ZFAND3: variants seen among roughly 807,000 people sequenced by gnomAD.
ZFAND3 encodes the protein zinc finger AN1-type containing 3.
Under a neutral mutation model 29.6 loss-of-function variants are expected in ZFAND3, and 10 were observed. That is an observed-to-expected ratio of 0.34 (90% CI 0.21 to 0.57). The LOEUF (loss-of-function observed/expected upper bound fraction) is 0.57. Among genes scored for constraint, ZFAND3 ranks in the 20% least tolerant of loss-of-function variants. ZFAND3 has a pLI of 0.86. For synonymous variants in ZFAND3, 128 were observed against 112.6 expected (o/e 1.14, Z -0.87); for missense variants, 230 against 304.5 (o/e 0.76, Z 1.82).
At chr6:38,037,709 G>A (rs1215312265) in intron 2 of ZFAND3, among the ~76,000 whole-genome samples, 2 of 152,172 alleles carry the variant, frequency 1.3e-5, no homozygotes, top group Non-Finnish European at 2.9e-5. Context: ...CCTTGATTGG[G>A]CTGAAGACTT....
chr6:37,965,913 C>T (rs1430005300), intron 2 of ZFAND3, among the ~76,000 whole-genome samples: 1 of 152,124 alleles, frequency 6.6e-6, no homozygotes, highest in Non-Finnish European at 1.5e-5. Flanking sequence ...TAGGCATGTG[C>T]TACCATGCCT....
intron 1 of ZFAND3, among the ~76,000 whole-genome samples, chr6:37,841,467 G>GT (rs527458722): frequency 1.5e-3 from 230 of 152,120 alleles, no homozygotes; most frequent in African/African-American, 5.2e-3. Context: ...TTTAACATTT[G>GT]TTTTTAAGTT....
At chr6:37,977,869 T>TTCCTTCCTTCCTTCCTTCCTTCC (rs374121487) in intron 2 of ZFAND3, among the ~76,000 whole-genome samples, 1 of 94,718 alleles carries the variant, frequency 1.1e-5, no homozygotes, top group Non-Finnish European at 2.3e-5. Context: ...CCTTCCTTCC[T>TTCCTTCCTTCCTTCCTTCCTTCC]TTCCTTCTTC....
intron 1 of ZFAND3, among the ~76,000 whole-genome samples, chr6:37,860,481 A>T (rs1350140461): frequency 6.6e-6 from 1 of 152,136 alleles, no homozygotes; most frequent in African/African-American, 2.4e-5. Flanking sequence ...CAGAATCCTA[A>T]TTCAGACCTG....
intron 1 of ZFAND3, among the ~76,000 whole-genome samples, chr6:37,907,468 T>C (rs6919884): frequency 0.08 from 12,181 of 152,246 alleles, 573 homozygotes; most frequent in African/African-American, 0.14. Flanking sequence ...GTATTTCACA[T>C]AAATGGAATC....
chr6:37,819,741 A>T lies in ZFAND3; in HGVS notation c.-205A>T, dbSNP rs1232890059. ...CTCTCCGCCCCCTCCCCGTCTCCGCAGGCCGAGTGGTGCGGCCCGCCTCCA... is the reference window on the plus strand; with the variant it reads ...CTCTCCGCCCCCTCCCCGTCTCCGCTGGCCGAGTGGTGCGGCCCGCCTCCA... On this transcript the variant is annotated 5_prime_UTR_variant, in exon 1 of 6. Transcript: ENST00000287218. The T allele has an allele frequency of 3.8e-5, 8 of 208,378 alleles. No homozygotes were observed. The Admixed American group carries it at 4.8e-4, about 13-fold the overall frequency. 12.9% of individuals were successfully genotyped at this position (208,378 alleles called of 1,614,324 possible).
chr6:38,045,053 CTTTTATTTATTTAT>C (rs1763869477), intron 2 of ZFAND3, among the ~76,000 whole-genome samples: 1 of 114,496 alleles, frequency 8.7e-6, no homozygotes, highest in East Asian at 2.4e-4. Flanking sequence ...TGTGGAAATT[CTTTTATTTATTTAT>C]TTATTTATTT....
intron 2 of ZFAND3, among the ~76,000 whole-genome samples, chr6:37,956,412 G>T (rs1762087080): frequency 6.6e-6 from 1 of 152,196 alleles, no homozygotes; most frequent in Non-Finnish European, 1.5e-5. Context: ...ACAAAGGAAT[G>T]CTCAGATCCT....
intron 5 of ZFAND3, among the ~76,000 whole-genome samples, chr6:38,144,171 GATATATATATATAATATAT>G (rs1301255530): frequency 2.3e-4 from 20 of 87,320 alleles, no homozygotes; most frequent in South Asian, 8.1e-4. Flanking sequence ...AGAAAAATGT[GATATATATATATAATATAT>G]ATATATATAT....
At chr6:37,891,418 C>A (rs993058647) in intron 1 of ZFAND3, among the ~76,000 whole-genome samples, 1 of 136,984 alleles carries the variant, frequency 7.3e-6, no homozygotes, top group Non-Finnish European at 1.6e-5. Flanking sequence ...GATTTCAGTC[C>A]CCCCCCCCGC....
At chr6:38,097,832 C>T (rs1054005642) in intron 4 of ZFAND3, among the ~76,000 whole-genome samples, 1 of 152,020 alleles carries the variant, frequency 6.6e-6, no homozygotes, top group Non-Finnish European at 1.5e-5. Context: ...GAATCAGAAG[C>T]TGATAATAAG....
intron 2 of ZFAND3, among the ~76,000 whole-genome samples, chr6:37,992,738 A>G (rs1762781161): frequency 6.6e-6 from 1 of 152,224 alleles, no homozygotes; most frequent in African/African-American, 2.4e-5. Context: ...TAGTTTTAAA[A>G]TTAATCCAAG....
chr6:37,982,976 A>G lies in ZFAND3; in HGVS notation c.112+52977A>G, dbSNP rs554743219. Among the ~76,000 whole-genome samples the G allele has an allele frequency of 3.1e-3, 471 of 152,366 alleles. 3 individuals carry two copies. The highest frequency in any genetic ancestry group is 0.011 in the African/African-American group (448 of 41,586). On this transcript the variant is annotated intron_variant, in intron 2 of 5. Transcript: ENST00000287218. ...TGTTGCAGTTTTTAACAAAAAGTTT[A>G]AAAAGTAAAACAAAAAATAAAAATG... is the stretch of plus-strand genomic sequence containing the variant.
intron 2 of ZFAND3, among the ~76,000 whole-genome samples, chr6:38,000,664 C>T (rs537761008): frequency 2.6e-5 from 4 of 152,134 alleles, no homozygotes; most frequent in South Asian, 2.1e-4. Flanking sequence ...TCCCATGACA[C>T]GTAGGAATTA....
At chr6:38,115,636 A>G (rs768897288) in intron 4 of ZFAND3, among the ~76,000 whole-genome samples, 2 of 151,572 alleles carry the variant, frequency 1.3e-5, no homozygotes, top group Non-Finnish European at 2.9e-5. Flanking sequence ...TGTTTAGGAG[A>G]CTCCCTTCTG....
At chr6:37,904,627 A>G (rs560376407) in intron 1 of ZFAND3, among the ~76,000 whole-genome samples, 1 of 152,204 alleles carries the variant, frequency 6.6e-6, no homozygotes, top group Non-Finnish European at 1.5e-5. Context: ...ACAAAGCAAG[A>G]ATTATATAAT....
At chr6:37,839,291 C>T (rs1212398081) in intron 1 of ZFAND3, among the ~76,000 whole-genome samples, 7 of 151,474 alleles carry the variant, frequency 4.6e-5, no homozygotes, top group African/African-American at 9.7e-5. Flanking sequence ...AGCGATTCTC[C>T]TGCCTCAGCT....
At chr6:38,114,385 G>A (rs953269073) in intron 4 of ZFAND3, among the ~76,000 whole-genome samples, 1 of 152,146 alleles carries the variant, frequency 6.6e-6, no homozygotes, top group East Asian at 1.9e-4. Flanking sequence ...AAGGGAGAGC[G>A]CCTGCCCTAT....
At chr6:38,050,239 G>A (rs759128638) in intron 2 of ZFAND3, among the ~76,000 whole-genome samples, 1 of 151,940 alleles carries the variant, frequency 6.6e-6, no homozygotes, top group Non-Finnish European at 1.5e-5. Context: ...ACAAGCGTGA[G>A]TCACCGTGCC....
Sources: gnomAD v4.1 joint callset for allele counts (sites outside exome capture counted in the v4.1 genomes callset) on GRCh38, gnomAD v4.1.1 for gene constraint, MANE v1.5 for transcripts, NCBI Gene and HGNC (gene_info 2026-07-23, HGNC 2026-07-21) for gene names.